Variants in RUVBL1 observed in about 807,000 individuals in gnomAD.
RUVBL1 encodes RuvB like AAA ATPase 1.
In RUVBL1, 4 loss-of-function variants were observed where a neutral mutation model predicts 52.4. That is an observed-to-expected ratio of 0.08 (90% CI 0.04 to 0.17). RUVBL1 has a LOEUF of 0.17. RUVBL1 is among the 10% of genes least tolerant of loss of function. RUVBL1 has a pLI of 1.00. For missense variants in RUVBL1, 298 were observed against 572.8 expected (o/e 0.52, Z 4.90); for synonymous variants, 217 against 214.4 (o/e 1.01, Z -0.10).
chr3:128,120,670 C>T (rs1943622824), intron 1 of RUVBL1, among the ~76,000 whole-genome samples: 1 of 152,204 alleles, frequency 6.6e-6, no homozygotes, highest in Non-Finnish European at 1.5e-5. Context: ...CTTGTGAATA[C>T]ATCTTATCTC....
At chr3:128,120,477 T>C (rs1419223491) in intron 1 of RUVBL1, among the ~76,000 whole-genome samples, 5 of 152,196 alleles carry the variant, frequency 3.3e-5, no homozygotes, top group Admixed American at 3.3e-4. Context: ...AAATGGGCTA[T>C]GGAACTTCAT....
At chr3:128,126,946 G>A (rs933100899), upstream of RUVBL1, among the ~76,000 whole-genome samples, 27 of 152,216 alleles carry the variant, frequency 1.8e-4, 1 homozygote, top group African/African-American at 4.8e-5. Context: ...TGGTAAACAC[G>A]TGGCCCTGGC....
chr3:128,116,673 TTTC>T (rs1943529960), intron 2 of RUVBL1, among the ~76,000 whole-genome samples: 2 of 152,338 alleles, frequency 1.3e-5, no homozygotes, highest in South Asian at 4.1e-4. Flanking sequence ...TCACCTATAT[TTTC>T]TTTTCATTAA....
exon 10 of RUVBL1, chr3:128,065,112 C>G: frequency 1.4e-6 from 2 of 1,452,690 alleles, no homozygotes; most frequent in Non-Finnish European, 1.9e-6. Context: ...TGCAGTCCCC[C>G]ACTCTGTGGG....
intron 1 of RUVBL1, chr3:128,141,909 T>A (rs1212999347): frequency 2.6e-5 from 4 of 152,302 alleles, no homozygotes; most frequent in Non-Finnish European, 4.4e-5. Flanking sequence ...TTGTGTGTCA[T>A]CCTTGCCCAG....
chr3:128,139,024 T>C (rs1943983545), intron 1 of RUVBL1, among the ~76,000 whole-genome samples: 1 of 152,014 alleles, frequency 6.6e-6, no homozygotes, highest in South Asian at 2.1e-4. Context: ...CCTATCTCTC[T>C]CCATATACAA....
In RUVBL1 at chr3:128,067,411, T is replaced by G; in HGVS notation, c.940-2191A>C. 1 of 1,604,934 alleles carries G rather than the reference T, an allele frequency of 6.2e-7. No homozygotes were observed. The highest frequency in any genetic ancestry group is 8.5e-7 in the Non-Finnish European group (1 of 1,176,636). Reference sequence around the variant, plus strand: ...GAGCACTCACATGCGTTTGGTTTCTTCTTCCCCAGGACACGTCTTCTGGGG... The same window carrying G: ...GAGCACTCACATGCGTTTGGTTTCTGCTTCCCCAGGACACGTCTTCTGGGG... On this transcript the variant is annotated intron_variant, in intron 9 of 9. Coordinates refer to the RUVBL1 transcript ENST00000464873. The surrounding 1 kb of genome is among the most constrained non-coding windows in gnomAD (Gnocchi z 4.1).
intron 3 of RUVBL1, among the ~76,000 whole-genome samples, chr3:128,110,247 C>T (rs1237960241): frequency 1.3e-5 from 2 of 152,284 alleles, no homozygotes; most frequent in South Asian, 2.1e-4. Flanking sequence ...TGTTACACCA[C>T]TGCACTTTAG....
chr3:128,110,790 C>T (rs1012596651), intron 3 of RUVBL1, among the ~76,000 whole-genome samples: 2 of 152,164 alleles, frequency 1.3e-5, no homozygotes, highest in African/African-American at 4.8e-5. Context: ...CACTTTATGA[C>T]ACTTCCCTAT....
intron 9 of RUVBL1, among the ~76,000 whole-genome samples, chr3:128,086,196 T>C (rs1251384782): frequency 6.6e-6 from 1 of 152,092 alleles, no homozygotes; most frequent in Non-Finnish European, 1.5e-5. Flanking sequence ...GGGGTGTCAC[T>C]ATGTGGCCCA....
chr3:128,146,492 C>G (rs1454049822), intron 1 of RUVBL1, among the ~76,000 whole-genome samples: 1 of 135,668 alleles, frequency 7.4e-6, no homozygotes, highest in South Asian at 2.3e-4. Context: ...ATTTGCCTGC[C>G]GCTGTGAGCA....
At position 128,119,425 on chromosome 3, in the gene RUVBL1, C is replaced by A. The variant is rs1943593602; in HGVS notation, c.142-11G>T. On this transcript the variant is annotated splice_polypyrimidine_tract_variant and intron_variant, in intron 1 of 10. Coordinates refer to ENST00000322623, the MANE Select transcript of RUVBL1 (RefSeq NM_003707.3). ...TATGACGCCACATGCCTACACACCACAATGGAAAGAAATAATAAATCAATA... is the reference window on the plus strand; with the variant it reads ...TATGACGCCACATGCCTACACACCAAAATGGAAAGAAATAATAAATCAATA... 7.5e-6 allele frequency: 12 copies of A among 1,600,048 alleles called. No homozygotes were observed. The highest frequency in any genetic ancestry group is 1.0e-5 in the Non-Finnish European group (12 of 1,169,828).
At chr3:128,119,775 G>A (rs567007416) in intron 1 of RUVBL1, among the ~76,000 whole-genome samples, 4 of 152,320 alleles carry the variant, frequency 2.6e-5, no homozygotes, top group East Asian at 3.9e-4. Flanking sequence ...AGGAGTCAGC[G>A]TTCCAGGCAA....
At position 128,104,812 on chromosome 3, in the gene RUVBL1, G is replaced by A; in HGVS notation, c.474C>T (p.Ile158=). ...TTCCTTTGGCTGTTTTGAGTCCTAT[G>A]ATCACATGGCTAATGGTTTTGCCAT... is the stretch of plus-strand genomic sequence containing the variant. ...GGYGKTISHV[I]IGLKTAKGTK... is the part of the protein sequence containing the mutation. Residue 158 remains isoleucine (I), a synonymous_variant, in exon 4 of 11, where the codon ATC becomes ATT. Coordinates refer to ENST00000322623, the MANE Select transcript of RUVBL1 (RefSeq NM_003707.3). The A allele has an allele frequency of 6.2e-7, 1 of 1,612,952 alleles. No homozygotes were observed. The highest frequency in any genetic ancestry group is 1.7e-5 in the Admixed American group (1 of 60,022).
chr3:128,079,308 GC>G (rs1350800055), downstream of RUVBL1, among the ~76,000 whole-genome samples: 1 of 152,232 alleles, frequency 6.6e-6, no homozygotes, highest in Non-Finnish European at 1.5e-5. Flanking sequence ...ACAGAAGGAG[GC>G]AGTATGGCCC....
chr3:128,065,373 TAGAAA>T (rs1288496257), intron 9 of RUVBL1: 1 of 567,844 alleles, frequency 1.8e-6, no homozygotes, highest in African/African-American at 1.9e-5. Context: ...TGCTCTCTTA[TAGAAA>T]GTTTGTATGA....
At chr3:128,121,710 CAAAA>C (rs558813738) in intron 1 of RUVBL1, among the ~76,000 whole-genome samples, 3 of 108,782 alleles carry the variant, frequency 2.8e-5, no homozygotes, top group Non-Finnish European at 3.8e-5. Context: ...AACTTCGTCT[CAAAA>C]AAAAAAAAAA....
At chr3:128,113,076 G>C in intron 2 of RUVBL1, 56 bp from the exon 3 acceptor site, 1 of 1,592,002 alleles carries the variant, frequency 6.3e-7, no homozygotes, top group Non-Finnish European at 8.5e-7. Flanking sequence ...TGACAGTTCA[G>C]AAACACATGC....
chr3:128,130,192 C>T (rs1364325902), intron 1 of RUVBL1, among the ~76,000 whole-genome samples: 4 of 151,878 alleles, frequency 2.6e-5, no homozygotes, highest in African/African-American at 9.7e-5. Context: ...ATGATAAAAT[C>T]AGAAATTACA....
Sources: gnomAD v4.1 joint callset for allele counts (sites outside exome capture counted in the v4.1 genomes callset) on GRCh38, gnomAD v4.1.1 for gene constraint, Gnocchi (gnomAD v3.1) non-coding constraint, MANE v1.5 for transcripts, NCBI Gene and HGNC (gene_info 2026-07-23, HGNC 2026-07-21) for gene names.